The following TRPM3 variants were observed in gnomAD, a reference collection of about 807,000 sequenced individuals.
TRPM3 encodes long transient receptor potential channel 3.
TRPM3 carries 77 observed loss-of-function variants against 181.2 expected under a neutral mutation model. The ratio of observed to expected loss-of-function variants is 0.42; its 90% CI spans 0.35 to 0.51. TRPM3 has a LOEUF of 0.51. Ranked by LOEUF, TRPM3 falls within the 20% of genes least tolerant of loss-of-function variation. The pLI is 0.01. For synonymous variants in TRPM3, 745 were observed against 796.4 expected (o/e 0.94, Z 1.09); for missense variants, 1,759 against 2,196.7 (o/e 0.80, Z 3.98).
At chr9:71,024,324 G>A (rs2097872994) in intron 1 of TRPM3, among the ~76,000 whole-genome samples, 1 of 152,130 alleles carries the variant, frequency 6.6e-6, no homozygotes, top group African/African-American at 2.4e-5. Context: ...GTCACTATCA[G>A]GATCTGGAAA....
chr9:71,187,877 C>T (rs1292387776), intron 1 of TRPM3, among the ~76,000 whole-genome samples: 1 of 149,916 alleles, frequency 6.7e-6, no homozygotes, highest in East Asian at 2.0e-4. Flanking sequence ...TCAAGACAGA[C>T]AGGCAGACAG....
chr9:71,287,136 A>G (rs2085367913), intron 1 of TRPM3, among the ~76,000 whole-genome samples: 1 of 146,524 alleles, frequency 6.8e-6, no homozygotes, highest in Non-Finnish European at 1.5e-5. Flanking sequence ...AATATATAAT[A>G]AAAATATATA....
chr9:70,981,793 C>T lies in TRPM3; in HGVS notation c.178-117282G>A, dbSNP rs187244786. Reference sequence around the variant, plus strand: ...TCCCCCATTTCATTTTGAAGCTCCTCCTTCTAAGACACACATAATAGAAAG... The same window carrying T: ...TCCCCCATTTCATTTTGAAGCTCCTTCTTCTAAGACACACATAATAGAAAG... On this transcript the variant is annotated intron_variant, in intron 1 of 25. Transcript: ENST00000677713. Among the ~76,000 whole-genome samples, 207 of 152,232 alleles carry T rather than the reference C, an allele frequency of 1.4e-3. 3 individuals are homozygous for T. The highest frequency in any genetic ancestry group is 3.1e-4 in the Non-Finnish European group (21 of 68,008).
chr9:71,128,195 G>A (rs1253864010), intron 1 of TRPM3, among the ~76,000 whole-genome samples: 1 of 152,100 alleles, frequency 6.6e-6, no homozygotes, highest in Non-Finnish European at 1.5e-5. Context: ...AATAGATAGT[G>A]GTTATGAGAG....
intron 1 of TRPM3, among the ~76,000 whole-genome samples, chr9:70,926,633 G>A (rs1368460790): frequency 6.6e-6 from 1 of 152,096 alleles, no homozygotes; most frequent in Non-Finnish European, 1.5e-5. Context: ...CTTGGCTATC[G>A]ATTATAGAAG....
At chr9:70,790,681 TTAAC>T (rs2085154819) in intron 6 of TRPM3, among the ~76,000 whole-genome samples, 1 of 152,188 alleles carries the variant, frequency 6.6e-6, no homozygotes, top group Non-Finnish European at 1.5e-5. Context: ...CTTGATATCT[TTAAC>T]TAATGCATCT....
intron 1 of TRPM3, among the ~76,000 whole-genome samples, chr9:70,947,155 A>G (rs1185320252): frequency 1.3e-5 from 2 of 152,234 alleles, no homozygotes; most frequent in Admixed American, 1.3e-4. Context: ...AAGCAGTTGT[A>G]CAATCAATAC....
At chr9:71,399,526 G>GTTTTTTTTT (rs1166936123) in intron 1 of TRPM3, among the ~76,000 whole-genome samples, 6 of 62,682 alleles carry the variant, frequency 9.6e-5, no homozygotes, top group African/African-American at 1.8e-4. Context: ...ATTTTCTTTT[G>GTTTTTTTTT]TTTTTTTTTT....
chr9:70,535,583 G>A lies in TRPM3; in HGVS notation c.*370C>T. The A allele has an allele frequency of 4.0e-6, 6 of 1,510,304 alleles. No individual in the cohort carries two copies. The highest frequency in any genetic ancestry group is 5.3e-6 in the Non-Finnish European group (6 of 1,132,952). The allele number at this position is 1,510,304 out of a possible 1,614,324, so 93.6% of individuals were successfully genotyped here. A position where few individuals can be genotyped will look rare whatever the true frequency, so the allele number is the denominator to read the frequency against. ...CCTGCATCCTACAACTCTTGATAAT[G>A]GTCAGAAATCAACAGATGCCTCCTG... On this transcript the variant is annotated 3_prime_UTR_variant, in exon 26 of 26. Transcript: ENST00000677713.
intron 8 of TRPM3, among the ~76,000 whole-genome samples, chr9:70,690,335 C>T (rs1385866156): frequency 6.6e-6 from 1 of 152,022 alleles, no homozygotes; most frequent in African/African-American, 2.4e-5. Flanking sequence ...GAACAGTCTG[C>T]CTATAATCAT....
intron 1 of TRPM3, among the ~76,000 whole-genome samples, chr9:71,062,254 T>C (rs1481114807): frequency 6.6e-6 from 1 of 152,108 alleles, no homozygotes; most frequent in Non-Finnish European, 1.5e-5. Context: ...AAGCCAATTG[T>C]TTAATGCTCT....
chr9:70,624,727 T>C (rs907071825), intron 14 of TRPM3, among the ~76,000 whole-genome samples: 23 of 152,234 alleles, frequency 1.5e-4, no homozygotes, highest in African/African-American at 5.1e-4. Context: ...CCCTCTTCTA[T>C]TAAGCTGGAC....
chr9:70,666,960 T>C (rs934807119), intron 9 of TRPM3, among the ~76,000 whole-genome samples: 1 of 152,180 alleles, frequency 6.6e-6, no homozygotes, highest in African/African-American at 2.4e-5. Context: ...TTCTAGTTCT[T>C]AAAACAATTG....
intron 1 of TRPM3, among the ~76,000 whole-genome samples, chr9:71,187,624 G>T (rs1481547503): frequency 6.6e-6 from 1 of 151,638 alleles, no homozygotes; most frequent in Non-Finnish European, 1.5e-5. Context: ...TTAACCAAAG[G>T]TTTATTTTTA....
intron 1 of TRPM3, among the ~76,000 whole-genome samples, chr9:71,288,152 TA>T (rs2085459245): frequency 6.6e-6 from 1 of 151,758 alleles, no homozygotes; most frequent in Admixed American, 6.6e-5. Flanking sequence ...TTCCTTGCTC[TA>T]AACCCCGATA....
intron 1 of TRPM3, among the ~76,000 whole-genome samples, chr9:71,025,619 C>T (rs1023141735): frequency 2.6e-5 from 4 of 152,166 alleles, no homozygotes; most frequent in African/African-American, 4.8e-5. Context: ...CAATATGTAG[C>T]GCGCAGAAAC....
rs115982311 is a variant in TRPM3 at position 70,904,228 on chromosome 9, A to G, written c.178-39717T>C. Among the ~76,000 whole-genome samples the G allele has an allele frequency of 2.7e-3, 417 of 152,318 alleles. 3 individuals carry two copies. The highest frequency in any genetic ancestry group is 9.5e-3 in the African/African-American group (395 of 41,568). ...ACAGAGTGAGACCCTGTCTCAAAAA[A>G]TAAAATAAAATACAAAAACACCTCA... On this transcript the variant is annotated intron_variant, in intron 1 of 25. Transcript: ENST00000677713.
chr9:71,164,180 A>C (rs2076414905), intron 1 of TRPM3, among the ~76,000 whole-genome samples: 1 of 152,230 alleles, frequency 6.6e-6, no homozygotes, highest in Non-Finnish European at 1.5e-5. Flanking sequence ...AGTTGGCTGG[A>C]CAACCACTTC....
At position 70,686,608 on chromosome 9, in the gene TRPM3, C is replaced by T. The variant is rs113292727; in HGVS notation, c.1273-5030G>A. Among the ~76,000 whole-genome samples, 207 of 48,824 alleles carry T rather than the reference C, an allele frequency of 4.2e-3. 11 individuals are homozygous for T. Among genetic ancestry groups the T allele is most frequent in the African/African-American group, 0.014 (146 of 10,728 alleles). The allele number at this position is 48,824 out of a possible 152,430, so 32.0% of individuals were successfully genotyped here. A position where few individuals can be genotyped will look rare whatever the true frequency, so the allele number is the denominator to read the frequency against. On this transcript the variant is annotated intron_variant, in intron 8 of 25. Coordinates refer to ENST00000677713, the MANE Select transcript of TRPM3 (RefSeq NM_001366145.2). Reference sequence around the variant, plus strand: ...TCCCTCCCTCCCTCCCTCCCTCCCTCCCGCCCTTCCTGGAAACTCCTTCCT... The same window carrying T: ...TCCCTCCCTCCCTCCCTCCCTCCCTTCCGCCCTTCCTGGAAACTCCTTCCT...
Sources: gnomAD v4.1 joint callset for allele counts (sites outside exome capture counted in the v4.1 genomes callset) on GRCh38, gnomAD v4.1.1 for gene constraint, MANE v1.5 for transcripts, NCBI Gene and HGNC (gene_info 2026-07-23, HGNC 2026-07-21) for gene names.